The following ZFYVE1 variants were observed in gnomAD, a reference collection of about 807,000 sequenced individuals.
ZFYVE1 encodes the protein zinc finger FYVE domain-containing protein 1.
ZFYVE1 carries 30 observed loss-of-function variants against 74.4 expected under a neutral mutation model. The observed-to-expected ratio is 0.40, with a 90% CI of 0.30 to 0.55. The LOEUF (loss-of-function observed/expected upper bound fraction) is 0.55, where lower values mean the gene tolerates loss of function less well. Among genes scored for constraint, ZFYVE1 ranks in the 20% least tolerant of loss-of-function variants. The pLI is 0.42. For synonymous variants in ZFYVE1, 335 were observed against 385.1 expected (o/e 0.87, Z 1.52); for missense variants, 703 against 1,011.6 (o/e 0.69, Z 4.14).
In ZFYVE1 at chr14:73,013,429, G is replaced by A. The variant is rs554500835; in HGVS notation, c.483+10597C>T. Among the ~76,000 whole-genome samples, 469 of 152,140 alleles carry A rather than the reference G, an allele frequency of 3.1e-3. 4 individuals are homozygous for A. Among genetic ancestry groups the A allele is most frequent in the Non-Finnish European group, 5.3e-3 (361 of 67,990 alleles). ...CCAAGACCAGCCTGGCCAACATGAT[G>A]AAACCCCGTCTCCACTAAAAATGCA... On this transcript the variant is annotated intron_variant, in intron 2 of 11. Transcript: ENST00000556143.
chr14:72,994,425 C>T (rs908105002), intron 3 of ZFYVE1, among the ~76,000 whole-genome samples: 1 of 150,710 alleles, frequency 6.6e-6, no homozygotes, highest in African/African-American at 2.4e-5. Flanking sequence ...ACTCAGGTTA[C>T]CCTTTCCTGG....
chr14:72,977,663 A>C (rs1893210027), intron 8 of ZFYVE1, among the ~76,000 whole-genome samples: 1 of 152,256 alleles, frequency 6.6e-6, no homozygotes, highest in East Asian at 1.9e-4. Flanking sequence ...AGAACATGCA[A>C]AAACGTTTTA....
intron 2 of ZFYVE1, among the ~76,000 whole-genome samples, chr14:73,015,236 G>A (rs971932606): frequency 8.3e-4 from 12 of 14,384 alleles, no homozygotes; most frequent in Non-Finnish European, 1.3e-3. Flanking sequence ...TCTGAAGGAA[G>A]GAAGGAAGGA....
At chr14:73,006,155 G>A (rs963242603) in intron 2 of ZFYVE1, among the ~76,000 whole-genome samples, 3 of 151,910 alleles carry the variant, frequency 2.0e-5, no homozygotes, top group East Asian at 2.0e-4. Context: ...TCCTGACCTC[G>A]TGATCCGCCC....
At chr14:73,026,197 G>A (rs1007905509) in intron 1 of ZFYVE1, among the ~76,000 whole-genome samples, 1 of 148,846 alleles carries the variant, frequency 6.7e-6, no homozygotes, top group African/African-American at 2.5e-5. Context: ...GCAAAGCCAG[G>A]CCTGCAGTGA....
intron 2 of ZFYVE1, among the ~76,000 whole-genome samples, chr14:73,023,357 T>C (rs1221320409): frequency 1.9e-5 from 1 of 51,714 alleles, no homozygotes; most frequent in Non-Finnish European, 3.9e-5. Flanking sequence ...ATAATATATA[T>C]TATATATGTT....
intron 2 of ZFYVE1, among the ~76,000 whole-genome samples, chr14:73,022,466 C>T (rs1166610710): frequency 6.6e-6 from 1 of 152,170 alleles, no homozygotes; most frequent in African/African-American, 2.4e-5. Flanking sequence ...CACAGATACT[C>T]CAGTGATACT....
chr14:72,996,471 G>C (rs1893751261), intron 3 of ZFYVE1, among the ~76,000 whole-genome samples: 1 of 151,954 alleles, frequency 6.6e-6, no homozygotes, highest in African/African-American at 2.4e-5. Context: ...ACAGCTCACT[G>C]CAGCCTCAAC....
intron 2 of ZFYVE1, among the ~76,000 whole-genome samples, chr14:73,007,364 G>A (rs1894001892): frequency 6.6e-6 from 1 of 152,080 alleles, no homozygotes; most frequent in African/African-American, 2.4e-5. Flanking sequence ...GATTTAATCT[G>A]TACCAACTAC....
intron 2 of ZFYVE1, among the ~76,000 whole-genome samples, chr14:73,008,901 T>C (rs558255015): frequency 1.3e-5 from 2 of 152,284 alleles, no homozygotes; most frequent in South Asian, 4.1e-4. Flanking sequence ...AATCATACCC[T>C]GGGCAACTGA....
intron 5 of ZFYVE1, 200 bp from the exon 6 acceptor site, chr14:72,979,169 C>T: frequency 1.8e-6 from 1 of 542,940 alleles, no homozygotes. Flanking sequence ...ACTACAGAGG[C>T]ACAGCGACTA....
At chr14:73,001,794 C>CA (rs574326206) in intron 2 of ZFYVE1, among the ~76,000 whole-genome samples, 30 of 106,908 alleles carry the variant, frequency 2.8e-4, no homozygotes, top group African/African-American at 1.2e-3. Context: ...ACTAAAAATA[C>CA]AAAATTAGCC....
intron 1 of ZFYVE1, among the ~76,000 whole-genome samples, chr14:73,025,197 G>A (rs900076531): frequency 3.8e-4 from 57 of 151,538 alleles, no homozygotes; most frequent in Non-Finnish European, 5.0e-4. Context: ...GCCTCCCAAG[G>A]AGCTGGGATT....
chr14:72,976,932 A>C (rs1893187566), intron 8 of ZFYVE1, among the ~76,000 whole-genome samples: 1 of 152,218 alleles, frequency 6.6e-6, no homozygotes, highest in Admixed American at 6.5e-5. Flanking sequence ...AATGACACAG[A>C]GTAAAATAAG....
Position 72,993,486 on chromosome 14 carries a change from C to T in ZFYVE1, c.989-129G>A, listed in dbSNP as rs182774664. The T allele has an allele frequency of 1.4e-3, 1,013 of 724,878 alleles. 30 individuals are homozygous for T. In the East Asian group the frequency reaches 0.028, roughly 20 times the overall value. The allele number at this position is 724,878 out of a possible 1,614,324, so 44.9% of individuals were successfully genotyped here. A position where few individuals can be genotyped will look rare whatever the true frequency, so the allele number is the denominator to read the frequency against. Reference sequence around the variant, plus strand: ...GGGAGGCCAAGGTGGGTGGATCACCCGAGGTCAGGAGTTCAGCCTGGCCAA... The same window carrying T: ...GGGAGGCCAAGGTGGGTGGATCACCTGAGGTCAGGAGTTCAGCCTGGCCAA... On this transcript the variant is annotated intron_variant, in intron 3 of 11. Coordinates refer to ENST00000556143, the MANE Select transcript of ZFYVE1 (RefSeq NM_021260.4).
chr14:72,982,938 G>C (rs1434379921), intron 4 of ZFYVE1, among the ~76,000 whole-genome samples: 1 of 151,964 alleles, frequency 6.6e-6, no homozygotes, highest in Non-Finnish European at 1.5e-5. Context: ...CTGCCCCCTG[G>C]GTTCAAGAGA....
intron 2 of ZFYVE1, among the ~76,000 whole-genome samples, chr14:73,021,137 G>C (rs1286137220): frequency 1.3e-5 from 2 of 152,096 alleles, no homozygotes; most frequent in African/African-American, 4.8e-5. Flanking sequence ...TTGAGGTCAG[G>C]AGTTCAAGAC....
Position 72,969,680 on chromosome 14 carries a change from G to T in ZFYVE1, c.*1202C>A, listed in dbSNP as rs759677761. 47 of 701,294 alleles carry T rather than the reference G, an allele frequency of 6.7e-5. 1 individual carries two copies. The South Asian group carries it at 7.0e-4, about 10-fold the overall frequency. 43.4% of individuals were successfully genotyped at this position (701,294 alleles called of 1,614,324 possible). ...ATACTTTAATTCGTGTTTGGCCACT[G>T]AAGATCAAATCCACCATGATGATAG... is the stretch of plus-strand genomic sequence containing the variant. On this transcript the variant is annotated 3_prime_UTR_variant, in exon 12 of 12. Coordinates refer to ENST00000556143, the MANE Select transcript of ZFYVE1 (RefSeq NM_021260.4).
In ZFYVE1 at chr14:72,975,811, G is replaced by A. The variant is rs933113842; in HGVS notation, c.1636-90C>T. The stretch of plus-strand genomic sequence containing the variant: ...ATGTTTGGTGAGTTGCACACTCACC[G>A]TGGCCAACTCAGAACCACTAACTCC... On this transcript the variant is annotated intron_variant, in intron 8 of 11. Transcript: ENST00000556143. This position sits in a 1 kb window ranked among gnomAD's most constrained non-coding sequence, Gnocchi z 4.1. The A allele has an allele frequency of 9.4e-6, 14 of 1,482,584 alleles. 1 individual carries two copies. The highest frequency in any genetic ancestry group is 8.3e-5 in the African/African-American group (6 of 72,108). The allele number at this position is 1,482,584 out of a possible 1,614,324, so 91.8% of individuals were successfully genotyped here.
Sources: allele counts gnomAD v4.1 joint callset (sites outside exome capture counted in the v4.1 genomes callset), GRCh38; gene constraint gnomAD v4.1.1; non-coding constraint Gnocchi (gnomAD v3.1); transcripts MANE v1.5; gene names NCBI Gene and HGNC (gene_info 2026-07-23, HGNC 2026-07-21).